NT5DC3: variants seen among roughly 807,000 people sequenced by gnomAD.
The protein encoded by NT5DC3 is 5'-nucleotidase domain containing 3.
Under a neutral mutation model 67.8 loss-of-function variants are expected in NT5DC3, and 42 were observed. The ratio of observed to expected loss-of-function variants is 0.62; its 90% CI spans 0.48 to 0.80. NT5DC3 has a LOEUF of 0.80. NT5DC3 is among the 30% of genes least tolerant of loss of function. The pLI is 0.00. For missense variants in NT5DC3, 570 were observed against 696.4 expected, an observed-to-expected ratio of 0.82 and a Z score of 2.04; for synonymous variants, 237 against 255.6, an observed-to-expected ratio of 0.93 and a Z score of 0.69.
intron 6 of NT5DC3, among the ~76,000 whole-genome samples, chr12:103,795,352 CTACACAAGTATTTGCTCT>C (rs1411827774): frequency 6.6e-6 from 1 of 152,108 alleles, no homozygotes; most frequent in Admixed American, 6.5e-5. Flanking sequence ...CTACTAAGCT[CTACACAAGTATTTGCTCT>C]TGGTGGTAGC....
At chr12:103,759,085 T>C in the NT5DC3 span, 3 of 1,613,774 alleles carry the variant, frequency 1.9e-6, no homozygotes, top group Non-Finnish European at 2.5e-6. Flanking sequence ...AAAGACAAAA[T>C]ATTGCTTGGC....
chr12:103,757,895 CGA>C, the NT5DC3 span: 38 of 450,004 alleles, frequency 8.4e-5, no homozygotes, highest in African/African-American at 5.7e-4. Flanking sequence ...TGAGAAGACT[CGA>C]GATTTGATGC....
chr12:103,785,213 T>C, intron 12 of NT5DC3, 122 bp downstream of exon 12: 5 of 900,066 alleles, frequency 5.6e-6, no homozygotes, highest in Non-Finnish European at 8.7e-6. Flanking sequence ...ATCGTTATTC[T>C]ACAGTCTACT....
intron 1 of NT5DC3, among the ~76,000 whole-genome samples, chr12:103,824,128 T>C (rs1887596464): frequency 6.6e-6 from 1 of 152,356 alleles, no homozygotes; most frequent in African/African-American, 2.4e-5. Flanking sequence ...TATAGTTGTG[T>C]CCACTTAATA....
chr12:103,765,086 C>CA, the NT5DC3 span, among the ~76,000 whole-genome samples: 3,279 of 66,356 alleles, frequency 0.049, 137 homozygotes, highest in East Asian at 0.18. Context: ...GACTCTGTCT[C>CA]AAAAAAAAAA....
chr12:103,825,091 G>T (rs1223511300), intron 1 of NT5DC3, among the ~76,000 whole-genome samples: 1 of 152,152 alleles, frequency 6.6e-6, no homozygotes, highest in Non-Finnish European at 1.5e-5. Flanking sequence ...CCGGGAAGAG[G>T]CAATTCAAGA....
chr12:103,785,713 G>T, intron 11 of NT5DC3: 1 of 557,698 alleles, frequency 1.8e-6, no homozygotes, highest in Non-Finnish European at 3.3e-6. Context: ...CACAACCCCT[G>T]CAGAAACACT....
chr12:103,809,836 C>T (rs187122301), intron 2 of NT5DC3, among the ~76,000 whole-genome samples: 12 of 152,186 alleles, frequency 7.9e-5, no homozygotes, highest in East Asian at 1.9e-4. Flanking sequence ...GCTGGAAAAG[C>T]GCCAACAGGA....
At chr12:103,761,177 CT>C in the NT5DC3 span, 425 of 796,602 alleles carry the variant, frequency 5.3e-4, 1 homozygote, top group Non-Finnish European at 7.8e-4. Flanking sequence ...CCTGGGCTGC[CT>C]ATCAGTGGAG....
At chr12:103,750,077 A>G in the NT5DC3 span, among the ~76,000 whole-genome samples, 4 of 152,122 alleles carry the variant, frequency 2.6e-5, no homozygotes, top group Non-Finnish European at 5.9e-5. Context: ...CAGACATCAT[A>G]GAGTTGTTGT....
chr12:103,807,096 C>A (rs1018698252), intron 2 of NT5DC3, among the ~76,000 whole-genome samples, 167 bp from the exon 3 acceptor site: 7 of 152,200 alleles, frequency 4.6e-5, no homozygotes, highest in Non-Finnish European at 1.0e-4. Flanking sequence ...CCAAGCGCCT[C>A]CTAGCAAGCA....
intron 3 of NT5DC3, among the ~76,000 whole-genome samples, chr12:103,806,599 C>T (rs1566115165): frequency 6.6e-6 from 1 of 152,190 alleles, no homozygotes; most frequent in Non-Finnish European, 1.5e-5. Flanking sequence ...GATATGGCAA[C>T]TGGTTCCTCC....
chr12:103,815,036 G>T lies in NT5DC3; in HGVS notation c.294C>A (p.Ile98=). Residue 98 remains isoleucine, a synonymous_variant, in exon 2 of 14, where the codon ATC becomes ATA. Transcript: ENST00000392876. ...NNEMSLSDIE[I]YGFDYDYTLV... is the part of the protein sequence containing the mutation. ...AGGTGTAATCATAATCGAAGCCATA[G>T]ATTTCAATGTCTGACAGGCTCATTT... The T allele has an allele frequency of 6.2e-7, 1 of 1,613,612 alleles. No individual in the cohort carries two copies. The highest frequency in any genetic ancestry group is 8.5e-7 in the Non-Finnish European group (1 of 1,179,616).
intron 1 of NT5DC3, among the ~76,000 whole-genome samples, 196 bp downstream of exon 1, chr12:103,840,753 G>A (rs1339026007): frequency 6.6e-6 from 1 of 152,134 alleles, no homozygotes; most frequent in Non-Finnish European, 1.5e-5. Flanking sequence ...AGTTTCTAGA[G>A]CGCATTTTTC....
chr12:103,826,477 A>T (rs1887700156), intron 1 of NT5DC3, among the ~76,000 whole-genome samples: 1 of 152,238 alleles, frequency 6.6e-6, no homozygotes, highest in Non-Finnish European at 1.5e-5. Context: ...AGACTCAGAA[A>T]GCCATTGCTG....
chr12:103,778,874 T>TC (rs1185766402), intron 13 of NT5DC3, among the ~76,000 whole-genome samples: 2 of 152,042 alleles, frequency 1.3e-5, no homozygotes, highest in African/African-American at 4.8e-5. Context: ...TGGTCACATT[T>TC]CCCCCTTAAC....
chr12:103,780,360 T>C lies in NT5DC3; in HGVS notation c.1334A>G (p.His445Arg), dbSNP rs775358780. 2 of 1,613,968 alleles carry C rather than the reference T, an allele frequency of 1.2e-6. No homozygotes were observed. The highest frequency in any genetic ancestry group is 1.7e-6 in the Non-Finnish European group (2 of 1,179,812). ...LTGLLEQMQVHRDAESQLVLQ... is the reference protein window; with the variant it reads ...LTGLLEQMQVRRDAESQLVLQ... ...AACCAGCTGTGACTCAGCATCTCTG[T>C]GAACCTGTAGGACACAAGTCAATTA... is the stretch of plus-strand genomic sequence containing the variant. The change falls in exon 13 of 14, where the codon CAC becomes CGC. Residue 445 changes from histidine to arginine, a missense_variant. By Grantham distance (29) the His-to-Arg change is conservative. This residue lies in a region of NT5DC3 where 466 missense variants were observed against 608.0 expected (regional missense o/e 0.77). Coordinates refer to ENST00000392876, the MANE Select transcript of NT5DC3 (RefSeq NM_001031701.3).
chr12:103,750,540 G>C, the NT5DC3 span: 1 of 1,609,180 alleles, frequency 6.2e-7, no homozygotes, highest in Non-Finnish European at 8.5e-7. Context: ...GGGTCCTAGA[G>C]AAGGAACTTT....
chr12:103,808,089 T>C (rs568173316), intron 2 of NT5DC3, among the ~76,000 whole-genome samples: 17 of 152,314 alleles, frequency 1.1e-4, no homozygotes, highest in Admixed American at 4.6e-4. Flanking sequence ...CTGCACCAGG[T>C]ATCCAAGTCC....
Sources: gnomAD v4.1 joint callset for allele counts (sites outside exome capture counted in the v4.1 genomes callset) on GRCh38, gnomAD v4.1.1 for gene constraint, gnomAD v4.1.1 regional missense constraint, MANE v1.5 for transcripts, NCBI Gene and HGNC (gene_info 2026-07-23, HGNC 2026-07-21) for gene names.